Variants in UNC13C observed in about 807,000 individuals in gnomAD.
UNC13C encodes protein unc-13 homolog C.
UNC13C carries 174 observed loss-of-function variants against 245.4 expected under a neutral mutation model. That is an observed-to-expected ratio of 0.71 (90% CI 0.63 to 0.80). UNC13C has a LOEUF of 0.80. UNC13C is among the 30% of genes least tolerant of loss of function. The pLI is 0.00. For synonymous variants in UNC13C, 992 were observed against 895.1 expected (o/e 1.11, Z -1.93); for missense variants, 2,829 against 2,602.9 (o/e 1.09, Z -1.89).
the UNC13C span, among the ~76,000 whole-genome samples, chr15:53,877,656 C>A: frequency 6.6e-6 from 1 of 151,854 alleles, no homozygotes; most frequent in South Asian, 2.1e-4. Flanking sequence ...GGAAAGTTGA[C>A]CTTTTACAAA....
At chr15:54,270,574 C>G (rs2036660818) in intron 10 of UNC13C, among the ~76,000 whole-genome samples, 1 of 151,960 alleles carries the variant, frequency 6.6e-6, no homozygotes, top group African/African-American at 2.4e-5. Context: ...AGCTTCAGGT[C>G]TTTACACTAA....
chr15:54,118,198 A>G (rs2030409347), intron 2 of UNC13C, among the ~76,000 whole-genome samples: 2 of 151,926 alleles, frequency 1.3e-5, no homozygotes, highest in South Asian at 4.1e-4. Flanking sequence ...TGAAAATAGT[A>G]TTGGCATTTT....
chr15:53,951,416 G>C, the UNC13C span, among the ~76,000 whole-genome samples: 107 of 152,352 alleles, frequency 7.0e-4, no homozygotes, highest in African/African-American at 2.4e-3. Flanking sequence ...GCTGACCCAG[G>C]TTTGCCAGGG....
At chr15:54,453,458 G>C (rs902661703) in intron 19 of UNC13C, among the ~76,000 whole-genome samples, 1 of 152,170 alleles carries the variant, frequency 6.6e-6, no homozygotes, top group Non-Finnish European at 1.5e-5. Context: ...TCCCTCTTCA[G>C]ATGGTTACAT....
intron 17 of UNC13C, among the ~76,000 whole-genome samples, chr15:54,386,888 A>G (rs1222679169): frequency 1.3e-5 from 2 of 152,202 alleles, no homozygotes; most frequent in East Asian, 1.9e-4. Flanking sequence ...GAATGTCCCA[A>G]TAGGTTATCT....
intron 2 of UNC13C, among the ~76,000 whole-genome samples, chr15:54,138,374 C>A (rs12916673): frequency 6.6e-6 from 1 of 151,760 alleles, no homozygotes; most frequent in Non-Finnish European, 1.5e-5. Flanking sequence ...TAACCTATTA[C>A]TGAAGTTTAA....
chr15:54,078,382 G>A (rs906247995), intron 2 of UNC13C, among the ~76,000 whole-genome samples: 3 of 152,042 alleles, frequency 2.0e-5, no homozygotes, highest in African/African-American at 7.2e-5. Flanking sequence ...TCGAATTTTA[G>A]TTCCACTTTT....
intron 2 of UNC13C, among the ~76,000 whole-genome samples, chr15:54,080,270 C>T (rs192198682): frequency 1.3e-5 from 2 of 151,866 alleles, no homozygotes; most frequent in Admixed American, 1.3e-4. Flanking sequence ...AGGATACTGA[C>T]CTATAGTTTT....
At chr15:54,511,949 GATAATAATCTCAAATGTCATTAACAAC>G in intron 24 of UNC13C, 119 bp downstream of exon 24, 1 of 704,646 alleles carries the variant, frequency 1.4e-6, no homozygotes, top group Non-Finnish European at 2.5e-6. Context: ...AACAGGAAAT[GATAATAATCTCAAATGTCATTAACAAC>G]TAAAATGATT....
intron 25 of UNC13C, among the ~76,000 whole-genome samples, chr15:54,531,827 T>C (rs1483968742): frequency 6.6e-6 from 1 of 152,100 alleles, no homozygotes; most frequent in East Asian, 1.9e-4. Flanking sequence ...TAGCAATAAG[T>C]CCCATTCCAC....
intron 2 of UNC13C, among the ~76,000 whole-genome samples, chr15:54,051,061 C>A (rs1897249693): frequency 6.6e-6 from 1 of 152,150 alleles, no homozygotes; most frequent in Non-Finnish European, 1.5e-5. Context: ...CAAACATTTT[C>A]TCCCAGATTT....
At chr15:54,106,480 C>G (rs547968543) in intron 2 of UNC13C, among the ~76,000 whole-genome samples, 1 of 152,282 alleles carries the variant, frequency 6.6e-6, no homozygotes, top group African/African-American at 2.4e-5. Context: ...AGAGGTTACA[C>G]AAAATGACTT....
chr15:53,923,355 A>G, the UNC13C span, among the ~76,000 whole-genome samples: 2 of 152,222 alleles, frequency 1.3e-5, no homozygotes, highest in Non-Finnish European at 2.9e-5. Flanking sequence ...ATGAAAAAAG[A>G]CTCTAGAAAA....
intron 10 of UNC13C, among the ~76,000 whole-genome samples, chr15:54,271,564 T>A (rs2036688871): frequency 6.6e-6 from 1 of 152,188 alleles, no homozygotes; most frequent in Non-Finnish European, 1.5e-5. Context: ...TTTCTTCATA[T>A]GTTGATGCTG....
rs541752873 is a variant in UNC13C at position 54,035,767 on chromosome 15, A to G, written c.2983+19881A>G. On this transcript the variant is annotated intron_variant, in intron 2 of 32. Coordinates refer to ENST00000260323, the MANE Select transcript of UNC13C (RefSeq NM_001080534.3). ...AAATGAGAATAGATGAGCGCACCCA[A>G]TGCTAGGAAGCAGAGAGTCTGGGGC... Among the ~76,000 whole-genome samples the G allele has an allele frequency of 7.2e-5, 11 of 152,250 alleles. No individual in the cohort carries two copies. In the East Asian group the frequency reaches 1.5e-3, roughly 21 times the overall value.
At chr15:54,306,752 G>A (rs753691055) in intron 13 of UNC13C, among the ~76,000 whole-genome samples, 3 of 151,948 alleles carry the variant, frequency 2.0e-5, no homozygotes, top group East Asian at 1.9e-4. Flanking sequence ...CAATAGCAAA[G>A]GAGAGGAAAG....
At chr15:53,903,339 A>C in the UNC13C span, among the ~76,000 whole-genome samples, 1 of 152,230 alleles carries the variant, frequency 6.6e-6, no homozygotes, top group African/African-American at 2.4e-5. Flanking sequence ...GAGCCTATCA[A>C]AATAAATCAG....
chr15:54,063,690 A>G (rs983284052), intron 2 of UNC13C, among the ~76,000 whole-genome samples: 4 of 152,196 alleles, frequency 2.6e-5, no homozygotes, highest in Non-Finnish European at 5.9e-5. Context: ...TACAAGAATC[A>G]CTTGACCTTT....
chr15:54,321,572 C>T (rs554385086), intron 13 of UNC13C: 51 of 400,590 alleles, frequency 1.3e-4, no homozygotes, highest in South Asian at 8.8e-4. Context: ...TGTTCCCCGT[C>T]ACCCCTCAGA....
Sources: allele counts gnomAD v4.1 joint callset (sites outside exome capture counted in the v4.1 genomes callset), GRCh38; gene constraint gnomAD v4.1.1; transcripts MANE v1.5; gene names NCBI Gene and HGNC (gene_info 2026-07-23, HGNC 2026-07-21).